The following NUP88 variants were observed in gnomAD, a reference collection of about 807,000 sequenced individuals.
NUP88 encodes nuclear pore complex protein Nup88.
Under a neutral mutation model 93.9 loss-of-function variants are expected in NUP88, and 57 were observed. The ratio of observed to expected loss-of-function variants is 0.61; its 90% CI spans 0.49 to 0.76. The LOEUF is 0.76. Among genes scored for constraint, NUP88 ranks in the 30% least tolerant of loss-of-function variants. The probability of loss-of-function intolerance (pLI) is 0.00; values close to 1 mark genes in which losing one functional copy is unlikely to be tolerated. For missense variants in NUP88, 911 were observed against 901.0 expected, an observed-to-expected ratio of 1.01 and a Z score of -0.14; for synonymous variants, 346 against 336.8, an observed-to-expected ratio of 1.03 and a Z score of -0.30.
intron 9 of NUP88, among the ~76,000 whole-genome samples, chr17:5,392,768 G>A (rs1912521363): frequency 6.6e-6 from 1 of 152,132 alleles, no homozygotes; most frequent in African/African-American, 2.4e-5. Flanking sequence ...AATTTTACCT[G>A]TTTCTGAAAT....
intron 2 of NUP88, among the ~76,000 whole-genome samples, chr17:5,414,659 C>T (rs114412543): frequency 0.023 from 3,492 of 152,238 alleles, 141 homozygotes; most frequent in African/African-American, 0.08. Flanking sequence ...CAATGGCTCA[C>T]GCCTATCTTA....
chr17:5,385,954 C>G lies in NUP88; in HGVS notation c.*252G>C, dbSNP rs540348170. The G allele has an allele frequency of 4.6e-6, 2 of 434,672 alleles. No homozygotes were observed. Among genetic ancestry groups the G allele is most frequent in the East Asian group, 7.3e-5 (2 of 27,364 alleles). The allele number at this position is 434,672 out of a possible 1,614,324, so 26.9% of individuals were successfully genotyped here. A position where few individuals can be genotyped will look rare whatever the true frequency, so the allele number is the denominator to read the frequency against. ...AAACTCAATAGGGTTCAGGGAGGTT[C>G]TGGCAGTGTGCAGTGTGAAATAATC... On this transcript the variant is annotated 3_prime_UTR_variant, in exon 17 of 17. Coordinates refer to ENST00000573584, the MANE Select transcript of NUP88 (RefSeq NM_002532.6).
intron 1 of NUP88, among the ~76,000 whole-genome samples, chr17:5,417,764 A>G (rs989063881): frequency 1.5e-4 from 23 of 151,008 alleles, no homozygotes; most frequent in African/African-American, 5.6e-4. Context: ...GCTTGAATCC[A>G]TGAGGTGGAG....
In NUP88 at chr17:5,387,113, TTAGAA is replaced by T; in HGVS notation, c.1917-8_1917-4del. On this transcript the variant is annotated splice_polypyrimidine_tract_variant and splice_region_variant and intron_variant, in intron 14 of 16. Transcript: ENST00000573584. The stretch of plus-strand genomic sequence containing the variant: ...AACTGTGAAGTAGTTTTTTCATCCT[TTAGAA>T]AAGGCAAGCAAACATCTCAATTTAA... 6.2e-7 allele frequency: 1 copy of T among 1,612,762 alleles called. No homozygotes were observed.
chr17:5,388,614 C>A, intron 11 of NUP88, 188 bp downstream of exon 11: 1 of 537,044 alleles, frequency 1.9e-6, no homozygotes, highest in South Asian at 3.0e-5. Flanking sequence ...TAAACACTTC[C>A]TGTTTATCAT....
Position 5,399,570 on chromosome 17 carries a change from G to T in NUP88, c.1273C>A (p.His425Asn), listed in dbSNP as rs138498791. Residue 425 changes from histidine to asparagine, a missense_variant, in exon 8 of 17, where the codon CAC becomes AAC. His to Asn is a moderately conservative substitution (Grantham distance 68, BLOSUM62 1). Transcript: ENST00000573584. ...SVGLTWIHKL[H>N]KFLGSDEEDK... The stretch of plus-strand genomic sequence containing the variant: ...AACTCACCTGATCCAAGAAATTTGT[G>T]AAGTTTATGAATCCAAGTTAGCCCA... The T allele has an allele frequency of 6.3e-6, 10 of 1,597,198 alleles. No individual in the cohort carries two copies. Among genetic ancestry groups the T allele is most frequent in the Non-Finnish European group, 7.7e-6 (9 of 1,166,760 alleles).
At chr17:5,408,960 T>A (rs779697880) in intron 4 of NUP88, 51 bp from the exon 5 acceptor site, 2 of 1,448,912 alleles carry the variant, frequency 1.4e-6, no homozygotes, top group Non-Finnish European at 1.8e-6. Flanking sequence ...CAACAAAAAG[T>A]AAAAAGAAAA....
chr17:5,387,185 T>C, intron 14 of NUP88, 75 bp from the exon 15 acceptor site: 1 of 1,530,290 alleles, frequency 6.5e-7, no homozygotes. Context: ...AAGCTCATAA[T>C]TCATGAATCT....
At chr17:5,403,982 C>A in intron 7 of NUP88, 117 bp downstream of exon 7, 2 of 1,061,318 alleles carry the variant, frequency 1.9e-6, no homozygotes, top group East Asian at 2.5e-5. Context: ...TAAAAAAAAC[C>A]CAGTCAACTT....
Position 5,411,392 on chromosome 17 carries a change from C to T in NUP88, c.594-603G>A, listed in dbSNP as rs148855797. ...CAGCCTGGCCAACATGATGAAACCC[C>T]GTCTCTACTAAAAATACAAAAATTA... On this transcript the variant is annotated intron_variant, in intron 3 of 16. Transcript: ENST00000573584. 6.5e-3 allele frequency among the ~76,000 whole-genome samples: 989 copies of T among 152,038 alleles called. 5 individuals are homozygous for T. The highest frequency in any genetic ancestry group is 0.027 in the Middle Eastern group (8 of 294).
intron 6 of NUP88, among the ~76,000 whole-genome samples, chr17:5,404,693 A>G (rs1410317368): frequency 6.6e-6 from 1 of 152,144 alleles, no homozygotes; most frequent in Non-Finnish European, 1.5e-5. Flanking sequence ...TCTTAATTCC[A>G]CCTCTATCCT....
intron 5 of NUP88, among the ~76,000 whole-genome samples, chr17:5,407,614 T>G (rs1913574246): frequency 6.6e-6 from 1 of 152,230 alleles, no homozygotes; most frequent in African/African-American, 2.4e-5. Context: ...ACCTCTATTT[T>G]AATTCTTCTT....
At position 5,405,199 on chromosome 17, in the gene NUP88, G is replaced by A. The variant is rs1216581639; in HGVS notation, c.902C>T (p.Pro301Leu). Reference sequence around the variant, plus strand: ...ATAACCATAGTTATCTTCAGCCGCAGGATGCATGGGCAATGGACCCAACAG... The same window carrying A: ...ATAACCATAGTTATCTTCAGCCGCAAGATGCATGGGCAATGGACCCAACAG... Reference protein sequence around the residue: ...GKLLGPLPMHPAAEDNYGYDA... With the variant: ...GKLLGPLPMHLAAEDNYGYDA... Residue 301 changes from proline to leucine, a missense_variant, in exon 6 of 17, where the codon CCT becomes CTT. By Grantham distance (98) the Pro-to-Leu change is moderately conservative (BLOSUM62 -3). Transcript: ENST00000573584. 2 of 1,614,012 alleles carry A rather than the reference G, an allele frequency of 1.2e-6. No homozygotes were observed. Among genetic ancestry groups the A allele is most frequent in the Non-Finnish European group, 8.5e-7 (1 of 1,180,006 alleles).
At chr17:5,388,325 G>A (rs535308432) in intron 11 of NUP88, 5 of 149,148 alleles carry the variant, frequency 3.4e-5, no homozygotes, top group East Asian at 4.2e-4. Context: ...TCTCACTGTC[G>A]CCCAGGCTGG....
At chr17:5,395,895 T>G (rs1912745971) in intron 8 of NUP88, among the ~76,000 whole-genome samples, 1 of 152,190 alleles carries the variant, frequency 6.6e-6, no homozygotes, top group Non-Finnish European at 1.5e-5. Flanking sequence ...AGTATACAAT[T>G]CAGTAAGTTT....
intron 3 of NUP88, among the ~76,000 whole-genome samples, chr17:5,413,398 G>A (rs570076272): frequency 1.2e-4 from 19 of 152,228 alleles, no homozygotes; most frequent in Non-Finnish European, 2.1e-4. Context: ...GTAGAGCACA[G>A]TTAAAAGCAG....
At chr17:5,398,943 C>T (rs1185363449) in intron 8 of NUP88, among the ~76,000 whole-genome samples, 3 of 143,480 alleles carry the variant, frequency 2.1e-5, no homozygotes, top group South Asian at 2.2e-4. Context: ...GGCTGGAGTG[C>T]AGTGGCGTGA....
intron 8 of NUP88, among the ~76,000 whole-genome samples, chr17:5,397,208 C>T (rs1199450223): frequency 6.6e-6 from 1 of 152,092 alleles, no homozygotes; most frequent in Non-Finnish European, 1.5e-5. Context: ...GGCATGGTGG[C>T]TCACTCCTGT....
intron 9 of NUP88, among the ~76,000 whole-genome samples, chr17:5,393,245 A>C (rs1247017567): frequency 6.6e-6 from 1 of 150,754 alleles, no homozygotes; most frequent in Non-Finnish European, 1.5e-5. Context: ...GTGAGCCACC[A>C]CGCCTGGCCT....
Sources: gnomAD v4.1 joint callset for allele counts (sites outside exome capture counted in the v4.1 genomes callset) on GRCh38, gnomAD v4.1.1 for gene constraint, MANE v1.5 for transcripts, NCBI Gene and HGNC (gene_info 2026-07-23, HGNC 2026-07-21) for gene names.